Variants in FBXO25 observed in about 807,000 individuals in gnomAD.
FBXO25 encodes the protein F-box protein 25, also known as F-box only protein 25.
A neutral mutation model predicts 51.9 loss-of-function variants in FBXO25; 45 were observed. The observed-to-expected ratio is 0.87, with a 90% CI of 0.68 to 1.11. The LOEUF is 1.11. Ranked by LOEUF, FBXO25 falls within the 50% of genes most tolerant of loss-of-function variation. FBXO25 has a pLI of 0.00. For synonymous variants in FBXO25, 199 were observed against 151.0 expected (o/e 1.32, Z -2.33); for missense variants, 507 against 428.5 (o/e 1.18, Z -1.62).
At chr8:409,233 C>T (rs1188442047) in intron 1 of FBXO25, among the ~76,000 whole-genome samples, 1 of 152,136 alleles carries the variant, frequency 6.6e-6, no homozygotes, top group Non-Finnish European at 1.5e-5. Flanking sequence ...AGTTCATGAG[C>T]TGTATAGATT....
In FBXO25 at chr8:451,335, G is replaced by A. The variant is rs756934535; in HGVS notation, c.542G>A (p.Cys181Tyr). 9 of 1,613,632 alleles carry A rather than the reference G, an allele frequency of 5.6e-6. No individual in the cohort carries two copies. In the East Asian group the frequency reaches 1.3e-4, roughly 24 times the overall value. The change falls in exon 7 of 10, where the codon TGC becomes TAC. Residue 181 changes from cysteine (C) to tyrosine (Y), a missense_variant. Physicochemically the swap from Cys to Tyr is radical, Grantham distance 194. Coordinates refer to ENST00000350302, the MANE Select transcript of FBXO25 (RefSeq NM_183420.2). Reference sequence around the variant, plus strand: ...CTGCAAGACCTAAGCTCTACCCTCTGCATTCTTATTAGAGGAGTAGGGAAG... The same window carrying A: ...CTGCAAGACCTAAGCTCTACCCTCTACATTCTTATTAGAGGAGTAGGGAAG... The part of the protein sequence containing the change: ...DLLQDLSSTL[C>Y]ILIRGVGKSV...
chr8:457,564 G>T (rs981186917), intron 7 of FBXO25, among the ~76,000 whole-genome samples: 1 of 152,238 alleles, frequency 6.6e-6, no homozygotes, highest in African/African-American at 2.4e-5. Flanking sequence ...GATGGAGGGT[G>T]AAAGGTTTCT....
At chr8:423,471 G>T (rs187085111) in intron 2 of FBXO25, among the ~76,000 whole-genome samples, 1 of 151,862 alleles carries the variant, frequency 6.6e-6, no homozygotes, top group African/African-American at 2.4e-5. Flanking sequence ...GTAGTCCCCA[G>T]TGTCTGTTGT....
chr8:477,729 C>A lies in FBXO25; in HGVS notation c.*8925C>A, dbSNP rs1800685382. On this transcript the variant is annotated 3_prime_UTR_variant, in exon 10 of 10. Transcript: ENST00000350302. ...GCCACCAGGGGGCCACGCACCAGTG[C>A]ATGTGGCTGTGTTCCAAACTTTTTG... The A allele has an allele frequency of 6.6e-6, 1 of 152,460 alleles. No individual in the cohort carries two copies. The allele number at this position is 152,460 out of a possible 1,614,324, so 9.4% of individuals were successfully genotyped here.
At chr8:446,357 G>C (rs1287008809) in intron 5 of FBXO25, among the ~76,000 whole-genome samples, 4 of 152,042 alleles carry the variant, frequency 2.6e-5, no homozygotes, top group Admixed American at 1.3e-4. Context: ...TGTACATTTT[G>C]GTCTGTTTCT....
Position 444,322 on chromosome 8 carries a change from G to C in FBXO25, c.382-5668G>C, listed in dbSNP as rs370401311. Reference sequence around the variant, plus strand: ...TCTCTGCCCTTCCCCATGTATGTGAGGCCCTTCAGGAGCACAGGCACACAT... The same window carrying C: ...TCTCTGCCCTTCCCCATGTATGTGACGCCCTTCAGGAGCACAGGCACACAT... On this transcript the variant is annotated intron_variant, in intron 5 of 9. Transcript: ENST00000350302. Among the ~76,000 whole-genome samples the C allele has an allele frequency of 2.0e-4, 30 of 152,272 alleles. No individual in the cohort carries two copies. In the South Asian group the frequency reaches 3.3e-3, roughly 17 times the overall value.
chr8:426,057 T>G (rs907812783), intron 2 of FBXO25, among the ~76,000 whole-genome samples: 12 of 152,204 alleles, frequency 7.9e-5, no homozygotes, highest in African/African-American at 1.7e-4. Flanking sequence ...CACTGGTGGT[T>G]GTTCTTTGTC....
At chr8:422,117 A>G (rs116135361) in intron 2 of FBXO25, among the ~76,000 whole-genome samples, 1 of 152,212 alleles carries the variant, frequency 6.6e-6, no homozygotes, top group African/African-American at 2.4e-5. Context: ...TCTAACAGGT[A>G]AAAGAATTAG....
Position 417,006 on chromosome 8 carries a change from A to G in FBXO25, c.134+3793A>G, listed in dbSNP as rs200937444. 1.7e-4 allele frequency among the ~76,000 whole-genome samples: 26 copies of G among 152,322 alleles called. No homozygotes were observed. In the East Asian group the frequency reaches 3.9e-3, roughly 23 times the overall value. ...GGAAACCTTAGGCAATGAGAGCAGG[A>G]TGAATGGATATCTGAGGGCAGGGCC... On this transcript the variant is annotated intron_variant, in intron 2 of 9. Coordinates refer to ENST00000350302, the MANE Select transcript of FBXO25 (RefSeq NM_183420.2).
intron 2 of FBXO25, among the ~76,000 whole-genome samples, chr8:426,800 T>A (rs376182077): frequency 2.1e-3 from 309 of 150,430 alleles, no homozygotes; most frequent in South Asian, 0.011. Flanking sequence ...CCACATTGGC[T>A]GTGGCTCCAC....
Position 473,909 on chromosome 8 carries a change from C to G in FBXO25, c.*5105C>G, listed in dbSNP as rs866408063. On this transcript the variant is annotated 3_prime_UTR_variant, in exon 10 of 10. Transcript: ENST00000350302. ...TATTATCTAACCTATGTAGTCAATT[C>G]TAATGTCATTTAAAAGAATTTGACA... The G allele has an allele frequency of 1.3e-5, 2 of 152,318 alleles. No individual in the cohort carries two copies. Among genetic ancestry groups the G allele is most frequent in the Admixed American group, 6.5e-5 (1 of 15,296 alleles). The allele number at this position is 152,318 out of a possible 1,614,324, so 9.4% of individuals were successfully genotyped here. A position where few individuals can be genotyped will look rare whatever the true frequency, so the allele number is the denominator to read the frequency against.
intron 9 of FBXO25, chr8:467,851 C>T (rs1800280820): frequency 2.5e-6 from 4 of 1,592,396 alleles, no homozygotes; most frequent in African/African-American, 2.7e-5. Flanking sequence ...GATTCCAGCT[C>T]TCGCTGACTT....
At chr8:456,804 T>A (rs746166039) in intron 7 of FBXO25, among the ~76,000 whole-genome samples, 1 of 152,122 alleles carries the variant, frequency 6.6e-6, no homozygotes, top group African/African-American at 2.4e-5. Context: ...CTGGGATGCA[T>A]GAGAAGGGCC....
intron 7 of FBXO25, among the ~76,000 whole-genome samples, chr8:452,487 A>G (rs1402539670): frequency 1.3e-5 from 2 of 152,242 alleles, no homozygotes; most frequent in African/African-American, 4.8e-5. Flanking sequence ...GGCTTGCTGT[A>G]GAAGTCCTAA....
At chr8:453,803 T>G (rs376226135) in intron 7 of FBXO25, among the ~76,000 whole-genome samples, 4 of 152,148 alleles carry the variant, frequency 2.6e-5, no homozygotes, top group African/African-American at 9.7e-5. Flanking sequence ...TGTCTTTGTC[T>G]TCTAGATTAT....
At chr8:441,916 A>G (rs570209841) in intron 5 of FBXO25, among the ~76,000 whole-genome samples, 23 of 152,320 alleles carry the variant, frequency 1.5e-4, no homozygotes, top group African/African-American at 4.1e-4. Flanking sequence ...TGGTGGGAGT[A>G]TAAGTTCAAC....
chr8:425,112 A>G (rs1797392126), intron 2 of FBXO25, among the ~76,000 whole-genome samples: 1 of 152,044 alleles, frequency 6.6e-6, no homozygotes, highest in South Asian at 2.1e-4. Flanking sequence ...AACTTTATCA[A>G]TCATCCCAGA....
chr8:421,526 A>G (rs1187763365), intron 2 of FBXO25, among the ~76,000 whole-genome samples: 1 of 152,240 alleles, frequency 6.6e-6, no homozygotes, highest in African/African-American at 2.4e-5. Context: ...GAAGTTACAA[A>G]TAAGAAAGGA....
Position 475,123 on chromosome 8 carries a change from T to C in FBXO25, c.*6319T>C, listed in dbSNP as rs1800603545. ...CTTAGTTTAGGCCTTTGATCTATTTTAATTTTTATATATGGTGTGAGGTAG... is the reference window on the plus strand; with the variant it reads ...CTTAGTTTAGGCCTTTGATCTATTTCAATTTTTATATATGGTGTGAGGTAG... On this transcript the variant is annotated 3_prime_UTR_variant, in exon 10 of 10. Coordinates refer to ENST00000350302, the MANE Select transcript of FBXO25 (RefSeq NM_183420.2). The C allele has an allele frequency of 2.8e-6, 1 of 361,676 alleles. No individual in the cohort carries two copies. Among genetic ancestry groups the C allele is most frequent in the Admixed American group, 4.1e-5 (1 of 24,586 alleles). The allele number at this position is 361,676 out of a possible 1,614,324, so 22.4% of individuals were successfully genotyped here. A position where few individuals can be genotyped will look rare whatever the true frequency, so the allele number is the denominator to read the frequency against.
Sources: allele counts gnomAD v4.1 joint callset (sites outside exome capture counted in the v4.1 genomes callset), GRCh38; gene constraint gnomAD v4.1.1; transcripts MANE v1.5; gene names NCBI Gene and HGNC (gene_info 2026-07-23, HGNC 2026-07-21).